The following DNAH11 variants were observed in gnomAD, a reference collection of about 807,000 sequenced individuals.
DNAH11 encodes dynein axonemal heavy chain 11.
Under a neutral mutation model 526.0 loss-of-function variants are expected in DNAH11, and 442 were observed. That is an observed-to-expected ratio of 0.84 (90% CI 0.78 to 0.91). The LOEUF (loss-of-function observed/expected upper bound fraction) is 0.91, where lower values mean the gene tolerates loss of function less well. Ranked by LOEUF, DNAH11 falls within the 40% of genes least tolerant of loss-of-function variation. The probability of loss-of-function intolerance (pLI) is 0.00; values close to 1 mark genes in which losing one functional copy is unlikely to be tolerated. For synonymous variants in DNAH11, 2,461 were observed against 1,935.9 expected (o/e 1.27, Z -7.12); for missense variants, 6,989 against 5,448.7 (o/e 1.28, Z -8.90).
chr7:21,544,614 T>A (rs1300559152), intron 1 of DNAH11, among the ~76,000 whole-genome samples: 3 of 152,224 alleles, frequency 2.0e-5, no homozygotes, highest in African/African-American at 7.2e-5. Context: ...CTTGGGCTTG[T>A]CTTTATCTCA....
At chr7:21,832,942 T>C (rs147851671) in intron 65 of DNAH11, among the ~76,000 whole-genome samples, 1 of 152,276 alleles carries the variant, frequency 6.6e-6, no homozygotes, top group African/African-American at 2.4e-5. Context: ...CTTTAAAAAA[T>C]AAGTTAATCA....
rs572427858 is a variant in DNAH11, at chr7:21,828,761, T to G, written c.10691+10422T>G. ...GACTTTTTTTTTTCATTTTTCTGGG[T>G]TTTTTTTTTTTTTTGCTGTACAATG... On this transcript the variant is annotated intron_variant, in intron 65 of 81. Coordinates refer to ENST00000409508, the MANE Select transcript of DNAH11 (RefSeq NM_001277115.2). 1.5e-3 allele frequency among the ~76,000 whole-genome samples: 164 copies of G among 107,198 alleles called. 1 individual carries two copies. Among genetic ancestry groups the G allele is most frequent in the African/African-American group, 4.6e-3 (141 of 30,702 alleles). The allele number at this position is 107,198 out of a possible 152,430, so 70.3% of individuals were successfully genotyped here.
rs376714073 is a variant in DNAH11 at position 21,739,586 on chromosome 7, G to A, written c.7827G>A (p.Lys2609=). The change falls in exon 48 of 82, where the codon AAG becomes AAA. Residue 2609 remains lysine, a synonymous_variant. Transcript: ENST00000409508. ...TGTCTTTCAGGTATGATAGACAGAA[G>A]GTGATGCTTAAAGAAATCCATAACT... is the stretch of plus-strand genomic sequence containing the variant. ...IDYGHWYDRQ[K]VMLKEIHNCQ... 8 of 1,612,084 alleles carry A rather than the reference G, an allele frequency of 5.0e-6. No individual in the cohort carries two copies. The African/African-American group carries it at 8.0e-5, about 16-fold the overall frequency.
Position 21,786,698 on chromosome 7 carries a change from C to T in DNAH11, c.9672C>T (p.Val3224=), listed in dbSNP as rs1583693892. 4 of 1,613,888 alleles carry T rather than the reference C, an allele frequency of 2.5e-6. No homozygotes were observed. Among genetic ancestry groups the T allele is most frequent in the Middle Eastern group, 1.7e-4 (1 of 6,060 alleles). ...CCAATGTTACTGCAGCCGTGATGGT[C>T]CTTCTGGCTCCTCGGGGAAGAGTGC... The part of the protein sequence containing the change: ...AVTNVTAAVM[V]LLAPRGRVPK... Residue 3224 remains valine (V), a synonymous_variant, in exon 59 of 82, where the codon GTC becomes GTT. Coordinates refer to ENST00000409508, the MANE Select transcript of DNAH11 (RefSeq NM_001277115.2).
intron 65 of DNAH11, among the ~76,000 whole-genome samples, chr7:21,826,170 C>T (rs1483902482): frequency 6.6e-6 from 1 of 151,978 alleles, no homozygotes; most frequent in East Asian, 1.9e-4. Flanking sequence ...CTATAAAAGT[C>T]ATTTTCTTAA....
chr7:21,598,098 A>C (rs1181350493), intron 14 of DNAH11, among the ~76,000 whole-genome samples: 1 of 152,200 alleles, frequency 6.6e-6, no homozygotes, highest in Admixed American at 6.5e-5. Context: ...TGCTTACAAC[A>C]TAACACCTTT....
intron 25 of DNAH11, among the ~76,000 whole-genome samples, chr7:21,634,594 A>C (rs1408666044): frequency 3.9e-5 from 6 of 152,196 alleles, no homozygotes; most frequent in Non-Finnish European, 8.8e-5. Context: ...TAAAACAAGC[A>C]CTGCTGAGCT....
intron 54 of DNAH11, among the ~76,000 whole-genome samples, chr7:21,763,339 C>CAA (rs1243002469): frequency 3.7e-4 from 4 of 10,688 alleles, no homozygotes; most frequent in Admixed American, 1.1e-3. Context: ...AAGACTGTCT[C>CAA]AAAAAAAAAA....
At chr7:21,739,284 A>G (rs1052669972) in intron 47 of DNAH11, among the ~76,000 whole-genome samples, 2 of 152,194 alleles carry the variant, frequency 1.3e-5, no homozygotes, top group African/African-American at 2.4e-5. Flanking sequence ...GAGTCTTGCT[A>G]TGGGTACAAG....
chr7:21,712,384 C>T (rs1028701155), intron 42 of DNAH11, among the ~76,000 whole-genome samples: 6 of 152,142 alleles, frequency 3.9e-5, no homozygotes, highest in African/African-American at 9.7e-5. Flanking sequence ...TCCATTCTTT[C>T]GGGTAGAACT....
intron 66 of DNAH11, among the ~76,000 whole-genome samples, chr7:21,850,354 CAAAAA>C (rs34141787): frequency 8.2e-6 from 1 of 122,354 alleles, no homozygotes. Context: ...GACTCTGTCT[CAAAAA>C]AAAAAAAAAA....
At chr7:21,600,985 C>G (rs1477045005) in intron 16 of DNAH11, 25 bp from the exon 17 acceptor site, 3 of 1,609,268 alleles carry the variant, frequency 1.9e-6, no homozygotes, top group Non-Finnish European at 2.5e-6. Flanking sequence ...CTGAGTTGTT[C>G]TAATTAATCT....
At chr7:21,622,661 C>G (rs1786128725) in intron 25 of DNAH11, among the ~76,000 whole-genome samples, 1 of 152,050 alleles carries the variant, frequency 6.6e-6, no homozygotes, top group Non-Finnish European at 1.5e-5. Context: ...AGAAATAATG[C>G]CACATATCTA....
chr7:21,774,077 T>C (rs1787556469), intron 56 of DNAH11, 78 bp downstream of exon 56: 9 of 1,265,312 alleles, frequency 7.1e-6, no homozygotes, highest in Admixed American at 2.9e-5. Context: ...GAAGCACTAC[T>C]AAATCCATTT....
intron 55 of DNAH11, among the ~76,000 whole-genome samples, chr7:21,770,819 G>A (rs1787406798): frequency 2.0e-5 from 3 of 152,156 alleles, no homozygotes. Flanking sequence ...CAGGTCCTAG[G>A]ATTCAAACCC....
intron 73 of DNAH11, among the ~76,000 whole-genome samples, chr7:21,872,506 A>G (rs1033234709): frequency 3.3e-5 from 5 of 152,178 alleles, no homozygotes; most frequent in African/African-American, 9.7e-5. Context: ...CAATTACTGT[A>G]TCAAGGACTT....
intron 28 of DNAH11, among the ~76,000 whole-genome samples, chr7:21,647,903 T>C (rs1787435252): frequency 6.6e-6 from 1 of 152,094 alleles, no homozygotes; most frequent in South Asian, 2.1e-4. Context: ...CAAGAAATGT[T>C]AGAGAAAGTT....
At chr7:21,707,622 A>T in intron 39 of DNAH11, 77 bp from the exon 40 acceptor site, 1 of 1,518,340 alleles carries the variant, frequency 6.6e-7, no homozygotes, top group South Asian at 1.3e-5. Context: ...AATACGGAAA[A>T]CTCTTCAGAA....
chr7:21,784,939 C>T (rs1490283101), intron 58 of DNAH11, among the ~76,000 whole-genome samples: 1 of 152,142 alleles, frequency 6.6e-6, no homozygotes, highest in African/African-American at 2.4e-5. Flanking sequence ...TGATGAGAGA[C>T]CCTCATGGAA....
Sources: gnomAD v4.1 joint callset for allele counts (sites outside exome capture counted in the v4.1 genomes callset) on GRCh38, gnomAD v4.1.1 for gene constraint, MANE v1.5 for transcripts, NCBI Gene and HGNC (gene_info 2026-07-23, HGNC 2026-07-21) for gene names.